PRKG1: variants seen among roughly 807,000 people sequenced by gnomAD.
PRKG1 encodes protein kinase cGMP-dependent 1, also known as cGMP-dependent protein kinase 1.
PRKG1 carries 35 observed loss-of-function variants against 88.1 expected under a neutral mutation model. The ratio of observed to expected loss-of-function variants is 0.40; its 90% CI spans 0.30 to 0.53. The LOEUF is 0.53. Among genes scored for constraint, PRKG1 ranks in the 20% least tolerant of loss-of-function variants. PRKG1 has a pLI of 0.59. For synonymous variants in PRKG1, 303 were observed against 292.5 expected, an observed-to-expected ratio of 1.04 and a Z score of -0.37; for missense variants, 540 against 839.8, an observed-to-expected ratio of 0.64 and a Z score of 4.41.
At chr10:51,913,218 G>A (rs866569548) in intron 5 of PRKG1, among the ~76,000 whole-genome samples, 29 of 152,044 alleles carry the variant, frequency 1.9e-4, no homozygotes, top group African/African-American at 1.7e-4. Flanking sequence ...CGTGAGCCAC[G>A]GCGCCCACCC....
chr10:51,148,142 T>C (rs1423016637), intron 1 of PRKG1: 1 of 561,390 alleles, frequency 1.8e-6, no homozygotes, highest in Non-Finnish European at 2.3e-6. Context: ...AACTCGGAAT[T>C]AGAAACTTTT....
At chr10:51,396,979 T>C (rs895903154) in intron 2 of PRKG1, among the ~76,000 whole-genome samples, 2 of 152,200 alleles carry the variant, frequency 1.3e-5, no homozygotes, top group African/African-American at 4.8e-5. Flanking sequence ...TATCAATATT[T>C]TAATTACAGG....
chr10:51,160,980 T>C (rs754755023), intron 2 of PRKG1, among the ~76,000 whole-genome samples: 1 of 152,114 alleles, frequency 6.6e-6, no homozygotes, highest in African/African-American at 2.4e-5. Context: ...ATCTTTACAT[T>C]GATAATCGAA....
chr10:51,986,293 T>C (rs1281173353), intron 5 of PRKG1, among the ~76,000 whole-genome samples: 2 of 152,212 alleles, frequency 1.3e-5, no homozygotes, highest in Non-Finnish European at 2.9e-5. Context: ...TGTATTTTGT[T>C]TCAGTGACTC....
rs76008577 is a variant in PRKG1 at position 51,294,335 on chromosome 10, G to A, written c.478+141005G>A. On this transcript the variant is annotated intron_variant, in intron 2 of 17. Coordinates refer to ENST00000373980, the MANE Select transcript of PRKG1 (RefSeq NM_006258.4). ...TTGTTTCTTATGTTTTCTTCTAGTA[G>A]TTTTATGGTTTCAGGCCTTATGCTT... 1.0e-2 allele frequency among the ~76,000 whole-genome samples: 1,515 copies of A among 152,170 alleles called. 22 individuals carry two copies. Among genetic ancestry groups the A allele is most frequent in the African/African-American group, 0.034 (1,405 of 41,528 alleles).
intron 3 of PRKG1, among the ~76,000 whole-genome samples, chr10:51,628,108 TTCC>T: frequency 6.9e-6 from 1 of 144,378 alleles, no homozygotes; most frequent in Non-Finnish European, 1.5e-5. Context: ...CTTTCTTTCT[TTCC>T]TTCTTTATTT....
In PRKG1 at chr10:52,172,314, T is replaced by A. The variant is rs542715227; in HGVS notation, c.1076+10351T>A. Among the ~76,000 whole-genome samples the A allele has an allele frequency of 2.0e-5, 3 of 152,314 alleles. No individual in the cohort carries two copies. The East Asian group carries it at 5.8e-4, about 29-fold the overall frequency. ...GGTGAAAACAGACAAGCTACTTGAT[T>A]GCTGAGTCTGTTTCCTTCTTCCAAG... On this transcript the variant is annotated intron_variant, in intron 9 of 17. Transcript: ENST00000373980.
intron 9 of PRKG1, among the ~76,000 whole-genome samples, chr10:52,176,926 T>C (rs763741443): frequency 6.6e-6 from 1 of 152,178 alleles, no homozygotes; most frequent in Non-Finnish European, 1.5e-5. Context: ...CTGTAGTTTT[T>C]CTCTATATAA....
intron 3 of PRKG1, among the ~76,000 whole-genome samples, chr10:51,678,367 T>C (rs1241217095): frequency 6.6e-6 from 1 of 152,176 alleles, no homozygotes; most frequent in African/African-American, 2.4e-5. Flanking sequence ...ATATTTCTAA[T>C]GTTCAAGCAT....
chr10:51,022,505 A>G (rs1258375979), intron 1 of PRKG1, among the ~76,000 whole-genome samples: 1 of 151,788 alleles, frequency 6.6e-6, no homozygotes, highest in Non-Finnish European at 1.5e-5. Context: ...CTCTCTCTCC[A>G]CTTCCTCTTG....
intron 2 of PRKG1, among the ~76,000 whole-genome samples, chr10:51,197,925 A>G (rs892583848): frequency 5.3e-5 from 8 of 151,746 alleles, no homozygotes; most frequent in African/African-American, 1.9e-4. Flanking sequence ...CTTTAGACAA[A>G]CATTCGACTT....
intron 7 of PRKG1, among the ~76,000 whole-genome samples, chr10:52,110,695 G>T (rs979994832): frequency 1.3e-5 from 2 of 152,106 alleles, no homozygotes; most frequent in African/African-American, 2.4e-5. Context: ...GTGTTTAGTT[G>T]CATGCAACAT....
intron 4 of PRKG1, among the ~76,000 whole-genome samples, chr10:51,856,014 C>T (rs1840669957): frequency 6.6e-6 from 1 of 152,174 alleles, no homozygotes; most frequent in South Asian, 2.1e-4. Context: ...TTCCTTTTCT[C>T]TCCCAGCTTT....
At chr10:51,232,394 T>TA (rs1381089197) in intron 2 of PRKG1, among the ~76,000 whole-genome samples, 1 of 152,222 alleles carries the variant, frequency 6.6e-6, no homozygotes, top group African/African-American at 2.4e-5. Context: ...AAGGAGCAGC[T>TA]GTTTGCCAGG....
At chr10:51,918,284 C>T (rs1842387748) in intron 5 of PRKG1, among the ~76,000 whole-genome samples, 1 of 151,812 alleles carries the variant, frequency 6.6e-6, no homozygotes, top group African/African-American at 2.4e-5. Flanking sequence ...ACCCCTGACT[C>T]TTTCTTTTAA....
chr10:52,036,808 C>G (rs1352517243), intron 5 of PRKG1, among the ~76,000 whole-genome samples: 1 of 151,832 alleles, frequency 6.6e-6, no homozygotes, highest in Admixed American at 6.6e-5. Flanking sequence ...TAAGTTGGCA[C>G]CAGAGTTGGG....
chr10:51,955,443 T>C (rs999116298), intron 5 of PRKG1, among the ~76,000 whole-genome samples: 63 of 152,314 alleles, frequency 4.1e-4, no homozygotes, highest in African/African-American at 1.5e-3. Context: ...TTTAATAGTG[T>C]ATTAACTTTT....
At chr10:51,180,372 A>T (rs1478266200) in intron 2 of PRKG1, among the ~76,000 whole-genome samples, 7 of 152,134 alleles carry the variant, frequency 4.6e-5, no homozygotes. Flanking sequence ...AGTTAAGTAG[A>T]CTTAGTTTGC....
At chr10:51,003,904 A>G (rs1487946243) in intron 1 of PRKG1, among the ~76,000 whole-genome samples, 1 of 152,170 alleles carries the variant, frequency 6.6e-6, no homozygotes, top group African/African-American at 2.4e-5. Context: ...TGGTCTTTCT[A>G]ATAGCTATGG....
Sources: gnomAD v4.1 joint callset for allele counts (sites outside exome capture counted in the v4.1 genomes callset) on GRCh38, gnomAD v4.1.1 for gene constraint, MANE v1.5 for transcripts, NCBI Gene and HGNC (gene_info 2026-07-23, HGNC 2026-07-21) for gene names.